Variants in KIRREL1 observed in about 807,000 individuals in gnomAD.
KIRREL1 encodes kin of IRRE-like protein 1.
KIRREL1 carries 25 observed loss-of-function variants against 83.3 expected under a neutral mutation model. The ratio of observed to expected loss-of-function variants is 0.30; its 90% CI spans 0.22 to 0.42. The LOEUF (loss-of-function observed/expected upper bound fraction) is 0.42, where lower values mean the gene tolerates loss of function less well. Ranked by LOEUF, KIRREL1 falls within the 10% of genes least tolerant of loss-of-function variation. KIRREL1 has a pLI of 1.00. For synonymous variants in KIRREL1, 388 were observed against 410.4 expected, an observed-to-expected ratio of 0.95 and a Z score of 0.66; for missense variants, 812 against 1,032.3, an observed-to-expected ratio of 0.79 and a Z score of 2.92.
At chr1:157,998,386 C>T (rs754516779) in intron 1 of KIRREL1, among the ~76,000 whole-genome samples, 33 of 152,166 alleles carry the variant, frequency 2.2e-4, no homozygotes, top group African/African-American at 7.0e-4. Context: ...ATTTAAAAAA[C>T]AATCCTTTAT....
At position 158,096,419 on chromosome 1, in the gene KIRREL1, C is replaced by T. The variant is rs1252110972; in HGVS notation, c.*1299C>T. On this transcript the variant is annotated 3_prime_UTR_variant, in exon 15 of 15. Coordinates refer to ENST00000359209, the MANE Select transcript of KIRREL1 (RefSeq NM_018240.7). ...AGATTCCTTCTTCCACTTTCAGTGC[C>T]TTGAGTGTCAAGCTTTGGATGACCG... 5.6e-5 allele frequency: 20 copies of T among 355,554 alleles called. No homozygotes were observed. The Admixed American group carries it at 6.6e-4, about 12-fold the overall frequency. 22.0% of individuals were successfully genotyped at this position (355,554 alleles called of 1,614,324 possible).
chr1:158,082,468 T>A (rs900542094), intron 3 of KIRREL1, among the ~76,000 whole-genome samples: 3 of 152,146 alleles, frequency 2.0e-5, no homozygotes, highest in Admixed American at 6.6e-5. Context: ...TTGAACAGAA[T>A]GCTAAGACAG....
intron 1 of KIRREL1, among the ~76,000 whole-genome samples, chr1:158,012,605 T>C (rs964409816): frequency 6.6e-6 from 1 of 152,172 alleles, no homozygotes; most frequent in Non-Finnish European, 1.5e-5. Context: ...ACATTCCATC[T>C]TCCTTTCCAA....
At chr1:158,062,530 C>G (rs755168587) in intron 1 of KIRREL1, among the ~76,000 whole-genome samples, 2 of 152,360 alleles carry the variant, frequency 1.3e-5, no homozygotes, top group East Asian at 3.9e-4. Flanking sequence ...AGCGCCTTTG[C>G]AGGAAATATT....
intron 1 of KIRREL1, among the ~76,000 whole-genome samples, chr1:158,019,975 A>G (rs547392727): frequency 3.3e-5 from 5 of 152,200 alleles, no homozygotes; most frequent in African/African-American, 1.2e-4. Flanking sequence ...CGGGATAAGC[A>G]TTTTTCCCAG....
intron 1 of KIRREL1, among the ~76,000 whole-genome samples, chr1:158,013,645 G>A (rs1039461921): frequency 6.6e-6 from 1 of 152,162 alleles, no homozygotes; most frequent in Admixed American, 6.5e-5. Context: ...TAAGTGACTC[G>A]CTGCCCCACA....
Position 158,097,008 on chromosome 1 carries a change from A to T in KIRREL1, c.*1888A>T. On this transcript the variant is annotated 3_prime_UTR_variant, in exon 15 of 15. Transcript: ENST00000359209. ...CAACCCCTTGTAGGAAGGACCAGATAATACCCAGGAAGCAAGTAGCTCTAA... is the reference window on the plus strand; with the variant it reads ...CAACCCCTTGTAGGAAGGACCAGATTATACCCAGGAAGCAAGTAGCTCTAA... 1 of 456,924 alleles carries T rather than the reference A, an allele frequency of 2.2e-6. No individual in the cohort carries two copies. Among genetic ancestry groups the T allele is most frequent in the South Asian group, 1.5e-5 (1 of 64,566 alleles). The allele number at this position is 456,924 out of a possible 1,614,324, so 28.3% of individuals were successfully genotyped here.
intron 1 of KIRREL1, among the ~76,000 whole-genome samples, chr1:158,051,409 G>C (rs1405163477): frequency 6.6e-6 from 1 of 152,190 alleles, no homozygotes; most frequent in African/African-American, 2.4e-5. Flanking sequence ...AACACCTATA[G>C]ACGACAGAAG....
At chr1:158,093,107 C>T (rs1224295751) in intron 11 of KIRREL1, among the ~76,000 whole-genome samples, 1 of 152,196 alleles carries the variant, frequency 6.6e-6, no homozygotes, top group African/African-American at 2.4e-5. Flanking sequence ...TGACCATGAT[C>T]TCCATTCTGA....
intron 4 of KIRREL1, among the ~76,000 whole-genome samples, chr1:158,085,754 T>C (rs1321423435): frequency 6.6e-6 from 1 of 152,148 alleles, no homozygotes; most frequent in African/African-American, 2.4e-5. Context: ...GTTTGCAATA[T>C]AGAAAACAGA....
At chr1:158,047,801 T>C (rs1660814683) in intron 1 of KIRREL1, among the ~76,000 whole-genome samples, 1 of 152,150 alleles carries the variant, frequency 6.6e-6, no homozygotes, top group Non-Finnish European at 1.5e-5. Flanking sequence ...AAATGCTGAC[T>C]ATAATTTGCC....
chr1:158,091,221 G>T (rs1197897248), intron 10 of KIRREL1, 137 bp from the exon 11 acceptor site: 11 of 693,842 alleles, frequency 1.6e-5, no homozygotes, highest in Middle Eastern at 4.0e-4. Flanking sequence ...TTGTTACAGG[G>T]AGGTGTTAGG....
Position 158,094,609 on chromosome 1 carries a change from A to G in KIRREL1, c.1798-35A>G, listed in dbSNP as rs1288843477. On this transcript the variant is annotated intron_variant, in intron 14 of 14. Transcript: ENST00000359209. This position sits in a 1 kb window ranked among gnomAD's most constrained non-coding sequence, Gnocchi z 4.6. ...AGACTTGATCCCCACCCAAGAGGGA[A>G]CACTGCCTCCATCCTCTTCTCTCAT... 1.3e-6 allele frequency: 2 copies of G among 1,513,660 alleles called. No homozygotes were observed. Among genetic ancestry groups the G allele is most frequent in the Non-Finnish European group, 1.8e-6 (2 of 1,109,576 alleles). 93.8% of individuals were successfully genotyped at this position (1,513,660 alleles called of 1,614,324 possible). A position where few individuals can be genotyped will look rare whatever the true frequency, so the allele number is the denominator to read the frequency against.
rs114592066 is a variant in KIRREL1 at position 158,078,285 on chromosome 1, G to C, written c.352+145G>C. ...ATCCCTGCCCTAATGCTCAAGTCCA[G>C]GTAGAAGAAAGTAAACCAGGCATGT... On this transcript the variant is annotated intron_variant, in intron 3 of 14. Transcript: ENST00000359209. 4.4e-4 allele frequency: 429 copies of C among 969,698 alleles called. 1 individual carries two copies. In the African/African-American group the frequency reaches 6.3e-3, roughly 14 times the overall value. The allele number at this position is 969,698 out of a possible 1,614,324, so 60.1% of individuals were successfully genotyped here.
At chr1:158,091,020 A>G (rs550459559) in intron 10 of KIRREL1, among the ~76,000 whole-genome samples, 1 of 152,328 alleles carries the variant, frequency 6.6e-6, no homozygotes, top group South Asian at 2.1e-4. Flanking sequence ...CATCCACATC[A>G]CATGGGATCA....
At chr1:158,055,763 A>G (rs1298591473) in intron 1 of KIRREL1, among the ~76,000 whole-genome samples, 1 of 152,202 alleles carries the variant, frequency 6.6e-6, no homozygotes, top group African/African-American at 2.4e-5. Context: ...CTTGATATCT[A>G]TGCACCCTGT....
intron 1 of KIRREL1, among the ~76,000 whole-genome samples, chr1:158,040,833 T>G (rs1660605219): frequency 6.6e-6 from 1 of 152,180 alleles, no homozygotes; most frequent in African/African-American, 2.4e-5. Context: ...GTTGGGAACC[T>G]GGTTATGAAG....
chr1:158,051,805 C>T (rs951907774), intron 1 of KIRREL1, among the ~76,000 whole-genome samples: 3 of 152,192 alleles, frequency 2.0e-5, no homozygotes, highest in Non-Finnish European at 4.4e-5. Flanking sequence ...TCCCCATCAC[C>T]ACACCCTTCT....
At chr1:158,022,478 C>G (rs776140595) in intron 1 of KIRREL1, among the ~76,000 whole-genome samples, 1 of 152,158 alleles carries the variant, frequency 6.6e-6, no homozygotes, top group Non-Finnish European at 1.5e-5. Context: ...GCCCTGATTC[C>G]TTACTCCCAC....
Sources: allele counts gnomAD v4.1 joint callset (sites outside exome capture counted in the v4.1 genomes callset), GRCh38; gene constraint gnomAD v4.1.1; non-coding constraint Gnocchi (gnomAD v3.1); transcripts MANE v1.5; gene names NCBI Gene and HGNC (gene_info 2026-07-23, HGNC 2026-07-21).